Variants in ZNRF2 observed in about 807,000 individuals in gnomAD.
ZNRF2 encodes the protein zinc and ring finger 2, also known as E3 ubiquitin-protein ligase ZNRF2.
Under a neutral mutation model 20.4 loss-of-function variants are expected in ZNRF2, and 16 were observed. The ratio of observed to expected loss-of-function variants is 0.79; its 90% CI spans 0.53 to 1.19. ZNRF2 has a LOEUF of 1.19. Ranked by LOEUF, ZNRF2 falls within the 50% of genes most tolerant of loss-of-function variation. The pLI, the probability that ZNRF2 is intolerant of heterozygous loss-of-function variation, is 0.00. For missense variants in ZNRF2, 363 were observed against 332.4 expected, an observed-to-expected ratio of 1.09 and a Z score of -0.72; for synonymous variants, 178 against 144.9, an observed-to-expected ratio of 1.23 and a Z score of -1.64.
At chr7:30,340,164 T>C (rs1018680572) in intron 2 of ZNRF2, among the ~76,000 whole-genome samples, 2 of 152,192 alleles carry the variant, frequency 1.3e-5, no homozygotes, top group Non-Finnish European at 1.5e-5. Context: ...ACGATGGGGT[T>C]TCTAAATATA....
chr7:30,343,575 T>C (rs1404551486), intron 2 of ZNRF2, among the ~76,000 whole-genome samples: 1 of 152,192 alleles, frequency 6.6e-6, no homozygotes, highest in Non-Finnish European at 1.5e-5. Context: ...TTGCATTTTT[T>C]AATATTATAA....
At chr7:30,300,638 A>G (rs1052663618) in intron 1 of ZNRF2, among the ~76,000 whole-genome samples, 2 of 152,228 alleles carry the variant, frequency 1.3e-5, no homozygotes, top group East Asian at 1.9e-4. Context: ...AAAGTGGGAT[A>G]TAGTGGTTGA....
chr7:30,318,870 G>T (rs1420696119), intron 1 of ZNRF2, among the ~76,000 whole-genome samples: 1 of 152,182 alleles, frequency 6.6e-6, no homozygotes. Flanking sequence ...CCAGCACTTT[G>T]GGAGGCTGAG....
At chr7:30,288,421 C>G (rs908524883) in intron 1 of ZNRF2, among the ~76,000 whole-genome samples, 14 of 152,242 alleles carry the variant, frequency 9.2e-5, no homozygotes, top group South Asian at 6.2e-4. Context: ...CTCTTGTGAG[C>G]TCTCATGTAA....
chr7:30,324,002 ATTTAT>A (rs1275670546), intron 2 of ZNRF2, among the ~76,000 whole-genome samples: 3 of 152,150 alleles, frequency 2.0e-5, no homozygotes, highest in African/African-American at 7.2e-5. Flanking sequence ...ATAATTTTTA[ATTTAT>A]TTTGTTAAAC....
chr7:30,311,575 G>C, intron 1 of ZNRF2, among the ~76,000 whole-genome samples: 1 of 152,192 alleles, frequency 6.6e-6, no homozygotes, highest in East Asian at 1.9e-4. Flanking sequence ...ACTAACTGCA[G>C]ATGTGTTAAG....
chr7:30,287,617 G>A (rs1022566049), intron 1 of ZNRF2, among the ~76,000 whole-genome samples: 4 of 152,052 alleles, frequency 2.6e-5, no homozygotes, highest in Non-Finnish European at 5.9e-5. Flanking sequence ...TGGAGATAAA[G>A]CATTTATCTT....
intron 2 of ZNRF2, among the ~76,000 whole-genome samples, chr7:30,348,443 C>T (rs2127954335): frequency 6.6e-6 from 1 of 152,312 alleles, no homozygotes; most frequent in East Asian, 1.9e-4. Flanking sequence ...CCCCTGCCCT[C>T]ATAGAATTTA....
intron 2 of ZNRF2, among the ~76,000 whole-genome samples, chr7:30,334,662 T>TA (rs1370124608): frequency 6.6e-6 from 1 of 152,246 alleles, no homozygotes; most frequent in African/African-American, 2.4e-5. Flanking sequence ...AATTCCAAGT[T>TA]AGAAGTCTAT....
chr7:30,285,651 G>T lies in ZNRF2; in HGVS notation c.294G>T (p.Gln98His). The T allele has an allele frequency of 7.3e-7, 1 of 1,365,822 alleles. No individual in the cohort carries two copies. Among genetic ancestry groups the T allele is most frequent in the Non-Finnish European group, 9.4e-7 (1 of 1,061,734 alleles). The allele number at this position is 1,365,822 out of a possible 1,614,324, so 84.6% of individuals were successfully genotyped here. ...TGGCGTCGGGGGCCCGCGCGGCGCA[G>T]TCCCCCTTCAGCATCCCGAACAGCA... ...GSVASGARAA[Q>H]SPFSIPNSSS... The change falls in exon 1 of 5, where the codon CAG becomes CAT. Residue 98 changes from glutamine (Q) to histidine (H), a missense_variant. Gln to His is a conservative substitution (Grantham distance 24). Around this residue, in one of 2 missense-constraint regions of ZNRF2, gnomAD observed 302 missense variants for 231.5 expected, o/e 1.30. Transcript: ENST00000323037.
intron 2 of ZNRF2, among the ~76,000 whole-genome samples, chr7:30,333,054 CTTTTTT>C (rs1259371701): frequency 7.2e-6 from 1 of 139,046 alleles, no homozygotes; most frequent in Admixed American, 7.2e-5. Flanking sequence ...TATATTTTGA[CTTTTTT>C]TTTTTTTTTT....
At chr7:30,289,219 C>A (rs1798851515) in intron 1 of ZNRF2, among the ~76,000 whole-genome samples, 1 of 152,104 alleles carries the variant, frequency 6.6e-6, no homozygotes, top group African/African-American at 2.4e-5. Context: ...AACTCAGGTG[C>A]CTTGCTACTT....
chr7:30,336,053 TTGGCAAA>T (rs1464536815), intron 2 of ZNRF2, among the ~76,000 whole-genome samples: 2 of 152,170 alleles, frequency 1.3e-5, no homozygotes, highest in African/African-American at 4.8e-5. Flanking sequence ...GGTGTTGATC[TTGGCAAA>T]TGTGAAAATT....
At chr7:30,316,786 A>G (rs1344869828) in intron 1 of ZNRF2, among the ~76,000 whole-genome samples, 2 of 152,284 alleles carry the variant, frequency 1.3e-5, no homozygotes, top group Admixed American at 6.5e-5. Flanking sequence ...GTCATCTGCA[A>G]CTGATCCTGC....
chr7:30,303,753 T>G (rs1015864241), intron 1 of ZNRF2, among the ~76,000 whole-genome samples: 1 of 152,194 alleles, frequency 6.6e-6, no homozygotes, highest in African/African-American at 2.4e-5. Flanking sequence ...GGGAACTTGT[T>G]ACACACATTT....
At chr7:30,309,085 C>T (rs1188080290) in intron 1 of ZNRF2, among the ~76,000 whole-genome samples, 1 of 152,074 alleles carries the variant, frequency 6.6e-6, no homozygotes, top group African/African-American at 2.4e-5. Context: ...ATTTTCTTTA[C>T]ATGATGACAT....
Position 30,323,656 on chromosome 7 carries a change from G to A in ZNRF2, c.484G>A (p.Val162Ile), listed in dbSNP as rs1799509494. ...TTGTTTTTTAGGATTTAAGTGCCCT[G>A]TATGCTCAAAATTTGTATCCTCAGA... ...PHMFGGFKCP[V>I]CSKFVSSDEM... The change falls in exon 2 of 5, where the codon GTA becomes ATA. Residue 162 changes from valine to isoleucine, a missense_variant. This residue lies in a region of ZNRF2 where 61 missense variants were observed against 100.9 expected (regional missense o/e 0.60). Coordinates refer to ENST00000323037, the MANE Select transcript of ZNRF2 (RefSeq NM_147128.4). The A allele has an allele frequency of 1.3e-6, 2 of 1,599,310 alleles. No homozygotes were observed. Among genetic ancestry groups the A allele is most frequent in the Admixed American group, 1.8e-5 (1 of 56,600 alleles).
At chr7:30,310,853 C>CCCTGTCCTGTCCTGTCCTGT (rs70980596) in intron 1 of ZNRF2, among the ~76,000 whole-genome samples, 56 of 151,346 alleles carry the variant, frequency 3.7e-4, no homozygotes, top group South Asian at 8.4e-4. Flanking sequence ...ACATCTGAGC[C>CCCTGTCCTGTCCTGTCCTGT]CCTGTCCTGT....
chr7:30,315,738 G>A (rs1419503241), intron 1 of ZNRF2, among the ~76,000 whole-genome samples: 1 of 91,752 alleles, frequency 1.1e-5, no homozygotes, highest in African/African-American at 3.6e-5. Context: ...GGGGGGGGGG[G>A]GGTTGGGTAT....
Sources: allele counts gnomAD v4.1 joint callset (sites outside exome capture counted in the v4.1 genomes callset), GRCh38; gene constraint gnomAD v4.1.1; regional missense constraint gnomAD v4.1.1; transcripts MANE v1.5; gene names NCBI Gene and HGNC (gene_info 2026-07-23, HGNC 2026-07-21).